Variants in ASIC2 observed in about 807,000 individuals in gnomAD.
The protein encoded by ASIC2 is acid-sensing ion channel 2.
Under a neutral mutation model 57.3 loss-of-function variants are expected in ASIC2, and 25 were observed. The observed-to-expected ratio is 0.44, with a 90% confidence interval of 0.32 to 0.61. The LOEUF (loss-of-function observed/expected upper bound fraction) is 0.61, where lower values mean the gene tolerates loss of function less well. Among genes scored for constraint, ASIC2 ranks in the 20% least tolerant of loss-of-function variants. The probability of loss-of-function intolerance (pLI) is 0.06; values close to 1 mark genes in which losing one functional copy is unlikely to be tolerated. For synonymous variants in ASIC2, 319 were observed against 307.5 expected, an observed-to-expected ratio of 1.04 and a Z score of -0.39; for missense variants, 641 against 738.1, an observed-to-expected ratio of 0.87 and a Z score of 1.52.
intron 1 of ASIC2, among the ~76,000 whole-genome samples, chr17:33,637,405 G>A (rs1186293031): frequency 6.6e-6 from 1 of 152,118 alleles, no homozygotes; most frequent in Non-Finnish European, 1.5e-5. Context: ...TACAAAGGAT[G>A]GGTTTGGAGA....
At chr17:33,268,737 T>C (rs1304906262) in intron 1 of ASIC2, among the ~76,000 whole-genome samples, 1 of 152,174 alleles carries the variant, frequency 6.6e-6, no homozygotes, top group African/African-American at 2.4e-5. Flanking sequence ...ATCTGCCTCA[T>C]TTCCCCACCA....
At chr17:33,832,391 A>G (rs960815120) in intron 1 of ASIC2, among the ~76,000 whole-genome samples, 1 of 152,184 alleles carries the variant, frequency 6.6e-6, no homozygotes, top group African/African-American at 2.4e-5. Context: ...CAGACAGGGG[A>G]TCTCAGTATA....
intron 1 of ASIC2, among the ~76,000 whole-genome samples, chr17:34,124,504 T>C (rs763950753): frequency 3.9e-5 from 6 of 152,196 alleles, no homozygotes; most frequent in Non-Finnish European, 8.8e-5. Flanking sequence ...GCCCCCTTAA[T>C]CTGATGGGTT....
chr17:33,478,632 T>TG (rs939310155), intron 1 of ASIC2, among the ~76,000 whole-genome samples: 15 of 152,240 alleles, frequency 9.9e-5, no homozygotes, highest in Non-Finnish European at 1.9e-4. Context: ...AATGATTCCA[T>TG]GGGAGCCGTT....
chr17:33,605,637 G>A (rs1292406918), intron 1 of ASIC2, among the ~76,000 whole-genome samples: 1 of 152,138 alleles, frequency 6.6e-6, no homozygotes, highest in Non-Finnish European at 1.5e-5. Context: ...AAATTATGGG[G>A]TGGCAACAAT....
intron 3 of ASIC2, among the ~76,000 whole-genome samples, chr17:33,038,775 C>T (rs1216288988): frequency 6.6e-6 from 1 of 152,222 alleles, no homozygotes; most frequent in East Asian, 1.9e-4. Flanking sequence ...CCTTAACCTG[C>T]CTGGGGACAT....
chr17:34,027,155 C>A (rs1907405971), intron 1 of ASIC2, among the ~76,000 whole-genome samples: 1 of 152,038 alleles, frequency 6.6e-6, no homozygotes, highest in Admixed American at 6.6e-5. Flanking sequence ...GTTCAATACC[C>A]CAAAAAAGTG....
At chr17:33,034,283 C>T (rs1671937908) in intron 3 of ASIC2, among the ~76,000 whole-genome samples, 1 of 152,150 alleles carries the variant, frequency 6.6e-6, no homozygotes, top group Non-Finnish European at 1.5e-5. Flanking sequence ...ACAGAGGTTT[C>T]CAGCCAGAAA....
At position 33,053,567 on chromosome 17, in the gene ASIC2, G is replaced by T. The variant is rs571395291; in HGVS notation, c.988-25175C>A. On this transcript the variant is annotated intron_variant, in intron 3 of 9. Coordinates refer to ENST00000225823, the MANE Select transcript of ASIC2 (RefSeq NM_183377.2). ...CTAATCATTTCTCTCCAGGACTGTT[G>T]CAAGAGCTTCTTAACTGGCCTTTGT... Among the ~76,000 whole-genome samples, 4 of 152,258 alleles carry T rather than the reference G, an allele frequency of 2.6e-5. No individual in the cohort carries two copies. In the South Asian group the frequency reaches 6.2e-4, roughly 24 times the overall value.
chr17:33,419,392 T>C (rs17782343), intron 1 of ASIC2, among the ~76,000 whole-genome samples: 15,035 of 152,294 alleles, frequency 0.099, 868 homozygotes, highest in Non-Finnish European at 0.13. Context: ...ACCAACCCCA[T>C]TCCCAGGCGG....
intron 1 of ASIC2, among the ~76,000 whole-genome samples, chr17:33,649,861 T>C (rs889372158): frequency 1.3e-5 from 2 of 152,218 alleles, no homozygotes; most frequent in East Asian, 1.9e-4. Context: ...TTACTTTAAC[T>C]ATTAACTCAA....
At position 33,519,266 on chromosome 17, in the gene ASIC2, C is replaced by T. The variant is rs534370187; in HGVS notation, c.556-407199G>A. ...CATAAGGCCTTGCTCTTGGCCCTTC[C>T]GTTATACAAATAGAAGCAGAGCGGC... On this transcript the variant is annotated intron_variant, in intron 1 of 9. Transcript: ENST00000359872. Among the ~76,000 whole-genome samples, 3 of 152,312 alleles carry T rather than the reference C, an allele frequency of 2.0e-5. No homozygotes were observed. The East Asian group carries it at 5.8e-4, about 29-fold the overall frequency.
chr17:33,810,006 A>G (rs1157185255), intron 1 of ASIC2, among the ~76,000 whole-genome samples: 2 of 152,220 alleles, frequency 1.3e-5, no homozygotes, highest in Non-Finnish European at 2.9e-5. Flanking sequence ...CAGGGCCCTG[A>G]GTAAGAAGAA....
chr17:34,008,898 G>T (rs1382134576), intron 1 of ASIC2, among the ~76,000 whole-genome samples: 1 of 152,214 alleles, frequency 6.6e-6, no homozygotes, highest in African/African-American at 2.4e-5. Flanking sequence ...TTATGGAAGT[G>T]GAGAGAACTG....
chr17:33,625,023 T>A (rs1905928082), intron 1 of ASIC2, among the ~76,000 whole-genome samples: 1 of 152,348 alleles, frequency 6.6e-6, no homozygotes, highest in South Asian at 2.1e-4. Context: ...CTTGTGTGGA[T>A]CCCTTCTTCC....
intron 1 of ASIC2, among the ~76,000 whole-genome samples, chr17:33,352,233 C>T (rs1170830933): frequency 6.6e-6 from 1 of 152,124 alleles, no homozygotes; most frequent in Non-Finnish European, 1.5e-5. Context: ...AATCAACATG[C>T]CCAGAACTGA....
chr17:33,272,911 C>T (rs977681878), intron 1 of ASIC2, among the ~76,000 whole-genome samples: 4 of 152,176 alleles, frequency 2.6e-5, no homozygotes, highest in Admixed American at 1.3e-4. Context: ...TTCAGCTCCA[C>T]GATACCCTTG....
chr17:33,313,806 C>T lies in ASIC2; in HGVS notation c.556-201739G>A, dbSNP rs376159226. Among the ~76,000 whole-genome samples, 162 of 152,036 alleles carry T rather than the reference C, an allele frequency of 1.1e-3. 1 individual carries two copies. Among genetic ancestry groups the T allele is most frequent in the African/African-American group, 3.7e-3 (152 of 41,482 alleles). ...GAATCGAAGTAGAAAGGGACACTTCCGTATCCGGACTAGAATAGCTAAGTG... is the reference window on the plus strand; with the variant it reads ...GAATCGAAGTAGAAAGGGACACTTCTGTATCCGGACTAGAATAGCTAAGTG... On this transcript the variant is annotated intron_variant, in intron 1 of 9. Transcript: ENST00000359872.
intron 1 of ASIC2, among the ~76,000 whole-genome samples, chr17:33,984,698 T>A (rs1905753745): frequency 6.6e-6 from 1 of 152,184 alleles, no homozygotes; most frequent in Non-Finnish European, 1.5e-5. Flanking sequence ...TCTAAGCTGG[T>A]GCTGGAAATA....
Sources: allele counts gnomAD v4.1 joint callset (sites outside exome capture counted in the v4.1 genomes callset), GRCh38; gene constraint gnomAD v4.1.1; transcripts MANE v1.5; gene names NCBI Gene and HGNC (gene_info 2026-07-23, HGNC 2026-07-21).